Variants in SERPINI1 observed in about 807,000 individuals in gnomAD.
SERPINI1 encodes neuroserpin.
A neutral mutation model predicts 41.1 loss-of-function variants in SERPINI1; 19 were observed. The observed-to-expected ratio is 0.46, with a 90% CI of 0.32 to 0.68. The LOEUF is 0.68. Among genes scored for constraint, SERPINI1 ranks in the 30% least tolerant of loss-of-function variants. The probability of loss-of-function intolerance (pLI) is 0.03; values close to 1 mark genes in which losing one functional copy is unlikely to be tolerated. For missense variants in SERPINI1, 460 were observed against 479.2 expected (o/e 0.96, Z 0.37); for synonymous variants, 138 against 156.6 (o/e 0.88, Z 0.89).
At chr3:167,771,437 T>TA (rs1726745069) in intron 1 of SERPINI1, among the ~76,000 whole-genome samples, 1 of 152,212 alleles carries the variant, frequency 6.6e-6, no homozygotes, top group African/African-American at 2.4e-5. Flanking sequence ...ATTATGTTGT[T>TA]ATTTCTGTAA....
chr3:167,823,127 C>G, intron 7 of SERPINI1, 55 bp downstream of exon 7: 4 of 1,186,652 alleles, frequency 3.4e-6, no homozygotes, highest in Non-Finnish European at 5.1e-6. Context: ...TTAGAGCAAT[C>G]TTGAGTGGGG....
chr3:167,762,725 G>A lies in SERPINI1; in HGVS notation c.-18-26386G>A, dbSNP rs571446829. Among the ~76,000 whole-genome samples the A allele has an allele frequency of 4.5e-4, 68 of 151,680 alleles. No individual in the cohort carries two copies. In the South Asian group the frequency reaches 6.7e-3, roughly 15 times the overall value. On this transcript the variant is annotated intron_variant, in intron 1 of 8. Coordinates refer to ENST00000446050, the MANE Select transcript of SERPINI1 (RefSeq NM_001122752.2). ...TCCTAATCTTTTTATTTAAAATTGC[G>A]ATACTCCCTCTCACCTCCTTACTTT...
intron 1 of SERPINI1, chr3:167,736,220 C>T (rs1725423584): frequency 6.6e-6 from 1 of 152,160 alleles, no homozygotes; most frequent in South Asian, 2.1e-4. Context: ...ACTTTGCATT[C>T]TTCTTCAGTG....
At chr3:167,771,393 A>G (rs2108545732) in intron 1 of SERPINI1, among the ~76,000 whole-genome samples, 1 of 152,284 alleles carries the variant, frequency 6.6e-6, no homozygotes, top group Admixed American at 6.5e-5. Flanking sequence ...TGTTAAATGA[A>G]AGTAAAAATG....
rs1172788769 is a variant in SERPINI1, at chr3:167,772,823, A to ACTCTCTCT, written c.-18-16253_-18-16246dup. 5.8e-3 allele frequency among the ~76,000 whole-genome samples: 136 copies of ACTCTCTCT among 23,500 alleles called. 3 individuals are homozygous for ACTCTCTCT. Among genetic ancestry groups the ACTCTCTCT allele is most frequent in the African/African-American group, 9.8e-3 (66 of 6,746 alleles). The allele number at this position is 23,500 out of a possible 152,430, so 15.4% of individuals were successfully genotyped here. A position where few individuals can be genotyped will look rare whatever the true frequency, so the allele number is the denominator to read the frequency against. On this transcript the variant is annotated intron_variant, in intron 1 of 8. Transcript: ENST00000446050. The stretch of plus-strand genomic sequence containing the variant: ...ATTCCAGCCTGGGCAGTATCTTGAG[A>ACTCTCTCT]CTCTCTCTCTCTCTCTCTCTCTCTC...
At chr3:167,780,486 T>C (rs1046726287) in intron 1 of SERPINI1, among the ~76,000 whole-genome samples, 1 of 152,194 alleles carries the variant, frequency 6.6e-6, no homozygotes, top group Non-Finnish European at 1.5e-5. Context: ...TGATCTATTC[T>C]GTAAGACTGA....
rs151307036 is a variant in SERPINI1 at position 167,757,661 on chromosome 3, A to G, written c.-19+21838A>G. Among the ~76,000 whole-genome samples the G allele has an allele frequency of 1.3e-4, 20 of 152,216 alleles. 1 individual carries two copies. Among genetic ancestry groups the G allele is most frequent in the African/African-American group, 4.1e-4 (17 of 41,536 alleles). On this transcript the variant is annotated intron_variant, in intron 1 of 8. Transcript: ENST00000446050. ...TGGCTGGGTGTGGTGGCTCATGCCT[A>G]TAATCCTAGCACTTCGGGAGGTTGA...
At chr3:167,819,709 T>C (rs1712244953) in intron 6 of SERPINI1, among the ~76,000 whole-genome samples, 1 of 152,234 alleles carries the variant, frequency 6.6e-6, no homozygotes, top group Non-Finnish European at 1.5e-5. Context: ...AAGATAATTA[T>C]GTGCTTTTCA....
At chr3:167,799,163 G>A (rs1283492873) in intron 5 of SERPINI1, among the ~76,000 whole-genome samples, 1 of 152,022 alleles carries the variant, frequency 6.6e-6, no homozygotes, top group Non-Finnish European at 1.5e-5. Context: ...ACCTACATTA[G>A]GTATTTCTCC....
chr3:167,790,168 A>G (rs79262180), intron 2 of SERPINI1, among the ~76,000 whole-genome samples: 1,769 of 152,284 alleles, frequency 0.012, 39 homozygotes, highest in African/African-American at 0.041. Context: ...ATATCAGTAG[A>G]TGATATTAAC....
intron 1 of SERPINI1, among the ~76,000 whole-genome samples, chr3:167,765,727 C>G (rs1159201262): frequency 6.6e-6 from 1 of 152,172 alleles, no homozygotes; most frequent in Non-Finnish European, 1.5e-5. Context: ...CTTTTATGCT[C>G]TACTTCTCTT....
intron 8 of SERPINI1, 142 bp from the exon 9 acceptor site, chr3:167,825,101 GAGGA>G (rs1256221061): frequency 1.4e-5 from 10 of 693,550 alleles, no homozygotes; most frequent in Admixed American, 8.3e-5. Flanking sequence ...GGAAGAGAGA[GAGGA>G]AGGAAGGAAG....
chr3:167,801,311 T>C (rs539206127), intron 5 of SERPINI1, among the ~76,000 whole-genome samples: 3 of 152,376 alleles, frequency 2.0e-5, no homozygotes, highest in Non-Finnish European at 2.9e-5. Context: ...AAGTTGCAAA[T>C]GCAGAAATTA....
intron 1 of SERPINI1, among the ~76,000 whole-genome samples, chr3:167,766,080 C>T (rs1320897678): frequency 1.3e-5 from 2 of 152,138 alleles, no homozygotes; most frequent in Non-Finnish European, 2.9e-5. Flanking sequence ...ACTTTTCCAA[C>T]CTCTGCCTGT....
chr3:167,823,081 T>C lies in SERPINI1; in HGVS notation c.1066+9T>C. 6.5e-7 allele frequency: 1 copy of C among 1,539,844 alleles called. No individual in the cohort carries two copies. The highest frequency in any genetic ancestry group is 9.0e-7 in the Non-Finnish European group (1 of 1,112,330). On this transcript the variant is annotated intron_variant, in intron 7 of 8. Coordinates refer to ENST00000446050, the MANE Select transcript of SERPINI1 (RefSeq NM_001122752.2). Reference sequence around the variant, plus strand: ...AGCTGCTGCTGTCTCAGGTACTGTTTGCTAGAATCTTCTCCCCTCTTCTAG... The same window carrying C: ...AGCTGCTGCTGTCTCAGGTACTGTTCGCTAGAATCTTCTCCCCTCTTCTAG...
chr3:167,750,317 T>A (rs548324515), intron 1 of SERPINI1, among the ~76,000 whole-genome samples: 29 of 152,348 alleles, frequency 1.9e-4, no homozygotes, highest in Non-Finnish European at 4.0e-4. Flanking sequence ...ATGTAACATA[T>A]CTTCTTCCCA....
chr3:167,765,087 A>G (rs1033688048), intron 1 of SERPINI1, among the ~76,000 whole-genome samples: 1 of 152,178 alleles, frequency 6.6e-6, no homozygotes, highest in Non-Finnish European at 1.5e-5. Context: ...AGTGCAAGCT[A>G]TCAGTGCATC....
chr3:167,813,028 T>C (rs1711945025), intron 6 of SERPINI1, among the ~76,000 whole-genome samples: 1 of 152,150 alleles, frequency 6.6e-6, no homozygotes, highest in African/African-American at 2.4e-5. Flanking sequence ...GTACAAGCTT[T>C]AATAAAGGAG....
intron 1 of SERPINI1, among the ~76,000 whole-genome samples, chr3:167,748,614 C>T (rs946695379): frequency 1.3e-5 from 2 of 152,072 alleles, no homozygotes; most frequent in Admixed American, 6.5e-5. Flanking sequence ...GAGATGACAA[C>T]GTCTCAGAGG....
Sources: gnomAD v4.1 joint callset for allele counts (sites outside exome capture counted in the v4.1 genomes callset) on GRCh38, gnomAD v4.1.1 for gene constraint, MANE v1.5 for transcripts, NCBI Gene and HGNC (gene_info 2026-07-23, HGNC 2026-07-21) for gene names.